The following SGCZ variants were observed in gnomAD, a reference collection of about 807,000 sequenced individuals.
The protein encoded by SGCZ is sarcoglycan zeta, also known as zeta-sarcoglycan.
A neutral mutation model predicts 41.3 loss-of-function variants in SGCZ; 40 were observed. That is an observed-to-expected ratio of 0.97 (90% CI 0.75 to 1.26). The LOEUF (loss-of-function observed/expected upper bound fraction) is 1.26. Ranked by LOEUF, SGCZ falls within the 50% of genes most tolerant of loss-of-function variation. The pLI, the probability that SGCZ is intolerant of heterozygous loss-of-function variation, is 0.00. For synonymous variants in SGCZ, 206 were observed against 137.5 expected (o/e 1.50, Z -3.49); for missense variants, 552 against 369.8 (o/e 1.49, Z -4.04).
chr8:15,198,074 G>A (rs996425502), intron 1 of SGCZ, among the ~76,000 whole-genome samples: 4 of 147,810 alleles, frequency 2.7e-5, no homozygotes, highest in African/African-American at 9.9e-5. Flanking sequence ...ATGTATAATG[G>A]CAATTTGATA....
chr8:15,186,171 AG>A (rs1800334130), intron 1 of SGCZ, among the ~76,000 whole-genome samples: 1 of 148,292 alleles, frequency 6.7e-6, no homozygotes, highest in African/African-American at 2.5e-5. Flanking sequence ...CTGAGCCAGG[AG>A]AATGGCATGA....
At chr8:14,462,332 T>G (rs1800924916) in intron 2 of SGCZ, among the ~76,000 whole-genome samples, 1 of 152,020 alleles carries the variant, frequency 6.6e-6, no homozygotes, top group Non-Finnish European at 1.5e-5. Context: ...CCATGTAATT[T>G]GTGTTCCTTT....
intron 2 of SGCZ, among the ~76,000 whole-genome samples, chr8:14,427,525 G>A (rs544501944): frequency 7.2e-5 from 11 of 152,084 alleles, no homozygotes; most frequent in African/African-American, 2.4e-4. Context: ...GTTTCCATGA[G>A]GAAACTCTAC....
intron 1 of SGCZ, among the ~76,000 whole-genome samples, chr8:14,984,293 T>C (rs1390853234): frequency 6.6e-6 from 1 of 152,162 alleles, no homozygotes; most frequent in Non-Finnish European, 1.5e-5. Context: ...TGATGAAACA[T>C]AACAGCAATT....
intron 5 of SGCZ, among the ~76,000 whole-genome samples, chr8:14,118,412 G>GT (rs1279002397): frequency 0.021 from 3,219 of 152,052 alleles, 141 homozygotes; most frequent in African/African-American, 0.075. Flanking sequence ...TTTTTGATGG[G>GT]GTTGTTTTTT....
intron 3 of SGCZ, chr8:14,309,436 AC>A (rs1409705519): frequency 6.2e-7 from 1 of 1,606,632 alleles, no homozygotes; most frequent in African/African-American, 1.3e-5. Context: ...GCCTTATTGG[AC>A]AATCTTCTGA....
At chr8:15,112,516 C>T (rs1424720228) in intron 1 of SGCZ, among the ~76,000 whole-genome samples, 1 of 152,176 alleles carries the variant, frequency 6.6e-6, no homozygotes, top group African/African-American at 2.4e-5. Context: ...ACAACATCTC[C>T]TTATGAATCT....
chr8:14,181,746 C>T (rs961674040), intron 4 of SGCZ, among the ~76,000 whole-genome samples: 7 of 152,150 alleles, frequency 4.6e-5, no homozygotes, highest in Non-Finnish European at 7.3e-5. Context: ...CTTTGTCTTC[C>T]GCCATGATTG....
chr8:14,688,914 G>C (rs914058185), intron 1 of SGCZ, among the ~76,000 whole-genome samples: 18 of 151,980 alleles, frequency 1.2e-4, no homozygotes, highest in Admixed American at 1.1e-3. Flanking sequence ...CTTCAGCAAA[G>C]TCTCAGGATA....
At chr8:14,338,878 G>C (rs1022439122) in intron 2 of SGCZ, among the ~76,000 whole-genome samples, 3 of 152,082 alleles carry the variant, frequency 2.0e-5, no homozygotes, top group African/African-American at 7.2e-5. Context: ...GTAAGAAAAG[G>C]ATGTCTGTCA....
intron 1 of SGCZ, among the ~76,000 whole-genome samples, chr8:15,196,659 A>T (rs1800742560): frequency 6.6e-6 from 1 of 152,104 alleles, no homozygotes; most frequent in South Asian, 2.1e-4. Flanking sequence ...TTATACTTTA[A>T]GTTTTAGGGT....
At chr8:14,169,300 C>G (rs1240735098) in intron 4 of SGCZ, among the ~76,000 whole-genome samples, 1 of 152,128 alleles carries the variant, frequency 6.6e-6, no homozygotes, top group Non-Finnish European at 1.5e-5. Context: ...TCCCAGTACC[C>G]CATCCTCCTA....
At chr8:14,896,069 A>T (rs1416881137) in intron 1 of SGCZ, among the ~76,000 whole-genome samples, 6 of 152,226 alleles carry the variant, frequency 3.9e-5, no homozygotes, top group Non-Finnish European at 1.5e-5. Flanking sequence ...ATATAAATTA[A>T]AATTACAGGT....
intron 2 of SGCZ, among the ~76,000 whole-genome samples, chr8:14,488,425 G>C (rs1373644593): frequency 6.6e-6 from 1 of 151,144 alleles, no homozygotes; most frequent in Non-Finnish European, 1.5e-5. Context: ...AGTTTAAAGA[G>C]GTTTCCTTCT....
chr8:14,635,949 T>A (rs1166651183), intron 1 of SGCZ, among the ~76,000 whole-genome samples: 2 of 151,952 alleles, frequency 1.3e-5, no homozygotes, highest in Non-Finnish European at 2.9e-5. Flanking sequence ...ATATAGTAGG[T>A]GCTGTGTTGG....
intron 2 of SGCZ, among the ~76,000 whole-genome samples, chr8:14,438,282 A>G (rs931702187): frequency 6.6e-6 from 1 of 152,036 alleles, no homozygotes; most frequent in African/African-American, 2.4e-5. Context: ...TATATTCATA[A>G]TTTTAGAAGA....
At chr8:14,693,230 G>A (rs987706949) in intron 1 of SGCZ, among the ~76,000 whole-genome samples, 2 of 151,790 alleles carry the variant, frequency 1.3e-5, no homozygotes, top group Non-Finnish European at 2.9e-5. Context: ...CTGTTAAAAT[G>A]ACCTTAATAA....
chr8:14,263,078 G>A (rs539883526), intron 3 of SGCZ, among the ~76,000 whole-genome samples: 28 of 152,036 alleles, frequency 1.8e-4, no homozygotes, highest in Non-Finnish European at 2.9e-4. Flanking sequence ...AATTTTTTCT[G>A]CATTAGTTTT....
chr8:14,363,546 T>G (rs550450331), intron 2 of SGCZ, among the ~76,000 whole-genome samples: 1 of 152,160 alleles, frequency 6.6e-6, no homozygotes, highest in East Asian at 1.9e-4. Flanking sequence ...TCTTTTTTTT[T>G]CCCCCAAGCA....
Sources: gnomAD v4.1 joint callset for allele counts (sites outside exome capture counted in the v4.1 genomes callset) on GRCh38, gnomAD v4.1.1 for gene constraint, MANE v1.5 for transcripts, NCBI Gene and HGNC (gene_info 2026-07-23, HGNC 2026-07-21) for gene names.